The following PPP2R5E variants were observed in gnomAD, a reference collection of about 807,000 sequenced individuals.
PPP2R5E encodes protein phosphatase 2 regulatory subunit B'epsilon.
Under a neutral mutation model 65.3 loss-of-function variants are expected in PPP2R5E, and 4 were observed. That is an observed-to-expected ratio of 0.06 (90% confidence interval 0.03 to 0.14). PPP2R5E has a LOEUF of 0.14. Among genes scored for constraint, PPP2R5E ranks in the 10% least tolerant of loss-of-function variants. The pLI is 1.00. For synonymous variants in PPP2R5E, 183 were observed against 187.4 expected (o/e 0.98, Z 0.19); for missense variants, 274 against 556.1 (o/e 0.49, Z 5.10).
chr14:63,468,328 G>A (rs887893593), intron 2 of PPP2R5E, among the ~76,000 whole-genome samples: 23 of 152,046 alleles, frequency 1.5e-4, no homozygotes, highest in Non-Finnish European at 2.8e-4. Flanking sequence ...TGGTATGTCT[G>A]GTTGTGTAAG....
chr14:63,399,142 T>C (rs532365753), intron 5 of PPP2R5E, among the ~76,000 whole-genome samples: 64 of 151,982 alleles, frequency 4.2e-4, no homozygotes, highest in Non-Finnish European at 8.5e-4. Flanking sequence ...ATAAACAAAA[T>C]GGGATGCCAT....
At position 63,371,614 on chromosome 14, in the gene PPP2R5E, T is replaced by C. The variant is rs1883693608; in HGVS notation, c.*4395A>G. On this transcript the variant is annotated 3_prime_UTR_variant, in exon 14 of 14. Transcript: ENST00000337537. ...AGAGGTGGAAGATTGTTTTGTGGCA[T>C]TTTAAGTTTGATGTGGATCAGAAGT... 1 of 152,218 alleles carries C rather than the reference T, an allele frequency of 6.6e-6. No homozygotes were observed. The allele number at this position is 152,218 out of a possible 1,614,324, so 9.4% of individuals were successfully genotyped here.
chr14:63,454,942 G>A (rs1357511879), intron 2 of PPP2R5E, among the ~76,000 whole-genome samples: 4 of 152,192 alleles, frequency 2.6e-5, no homozygotes, highest in African/African-American at 9.7e-5. Flanking sequence ...GACAATCATT[G>A]AGGTCCCACA....
chr14:63,476,146 T>C (rs149472857), intron 2 of PPP2R5E, among the ~76,000 whole-genome samples: 1 of 152,278 alleles, frequency 6.6e-6, no homozygotes, highest in African/African-American at 2.4e-5. Context: ...CCACAAACAA[T>C]GCCCTCACAT....
At chr14:63,468,003 G>C (rs573504780) in intron 2 of PPP2R5E, among the ~76,000 whole-genome samples, 32 of 152,186 alleles carry the variant, frequency 2.1e-4, no homozygotes, top group Non-Finnish European at 4.1e-4. Flanking sequence ...CTACCCCACA[G>C]AGTTTACTTA....
intron 2 of PPP2R5E, among the ~76,000 whole-genome samples, chr14:63,525,923 C>T (rs1893167611): frequency 6.6e-6 from 1 of 152,258 alleles, no homozygotes; most frequent in South Asian, 2.1e-4. Context: ...GTGGTGCAAT[C>T]TCAGCTCACT....
rs534375811 is a variant in PPP2R5E at position 63,502,887 on chromosome 14, C to T, written c.157+36642G>A. ...TTACACTTGTAATCCCAGCACTTTG[C>T]GAGGCCAAGGCAGGAAAATCACTTG... On this transcript the variant is annotated intron_variant, in intron 2 of 13. Transcript: ENST00000337537. Among the ~76,000 whole-genome samples, 4 of 152,162 alleles carry T rather than the reference C, an allele frequency of 2.6e-5. No individual in the cohort carries two copies. In the South Asian group the frequency reaches 6.2e-4, roughly 24 times the overall value.
intron 2 of PPP2R5E, among the ~76,000 whole-genome samples, chr14:63,531,530 C>A (rs564080232): frequency 1.6e-4 from 24 of 151,914 alleles, no homozygotes; most frequent in African/African-American, 5.3e-4. Context: ...TGTGCAAGAT[C>A]TTAAAATTGC....
chr14:63,415,967 C>A (rs1886662975), intron 4 of PPP2R5E, among the ~76,000 whole-genome samples: 2 of 152,312 alleles, frequency 1.3e-5, no homozygotes, highest in South Asian at 2.1e-4. Context: ...TGACAAATTT[C>A]TTTTCAGAAA....
chr14:63,417,929 C>T (rs1014243183), intron 4 of PPP2R5E, among the ~76,000 whole-genome samples: 4 of 152,128 alleles, frequency 2.6e-5, no homozygotes, highest in South Asian at 2.1e-4. Context: ...GGTCTCAGAG[C>T]CCCTCTAAGG....
chr14:63,419,688 G>C (rs2139876996), intron 4 of PPP2R5E, among the ~76,000 whole-genome samples: 1 of 151,982 alleles, frequency 6.6e-6, no homozygotes, highest in South Asian at 2.1e-4. Context: ...TATGAATGAA[G>C]GTTGATTTAC....
At chr14:63,539,713 T>A (rs746431943) in intron 1 of PPP2R5E, 21 bp from the exon 2 acceptor site, 50 of 1,600,886 alleles carry the variant, frequency 3.1e-5, no homozygotes, top group Non-Finnish European at 3.9e-5. Flanking sequence ...AGAAGTATCA[T>A]AAACCCATAC....
At chr14:63,508,280 A>G (rs1892307520) in intron 2 of PPP2R5E, 1 of 898,226 alleles carries the variant, frequency 1.1e-6, no homozygotes, top group Non-Finnish European at 1.3e-6. Flanking sequence ...CCCCAATGCT[A>G]TGGCAACCCC....
chr14:63,453,890 GA>G lies in PPP2R5E; in HGVS notation c.158-6del, dbSNP rs559238789. 127 of 1,405,120 alleles carry G rather than the reference GA, an allele frequency of 9.0e-5. No individual in the cohort carries two copies. Among genetic ancestry groups the G allele is most frequent in the Middle Eastern group, 5.7e-4 (3 of 5,258 alleles). The allele number at this position is 1,405,120 out of a possible 1,614,324, so 87.0% of individuals were successfully genotyped here. A position where few individuals can be genotyped will look rare whatever the true frequency, so the allele number is the denominator to read the frequency against. On this transcript the variant is annotated splice_region_variant and splice_polypyrimidine_tract_variant and intron_variant, in intron 2 of 13. Coordinates refer to ENST00000337537, the MANE Select transcript of PPP2R5E (RefSeq NM_006246.5). The stretch of plus-strand genomic sequence containing the variant: ...GCTGCTCTGAGGATGGAACGTCTAA[GA>G]AAAAAAAAGGAAATGGTGTAAGTCT...
intron 2 of PPP2R5E, among the ~76,000 whole-genome samples, chr14:63,486,271 C>T (rs1424119152): frequency 1.3e-5 from 2 of 150,052 alleles, no homozygotes; most frequent in Non-Finnish European, 3.0e-5. Flanking sequence ...TCCCCCGACC[C>T]CACCCATCTT....
intron 2 of PPP2R5E, among the ~76,000 whole-genome samples, chr14:63,495,354 T>C (rs1434962503): frequency 6.7e-6 from 1 of 150,040 alleles, no homozygotes; most frequent in Non-Finnish European, 1.5e-5. Flanking sequence ...GGCAGACCAC[T>C]TGAGGTCAGG....
chr14:63,510,872 G>C (rs992525226), intron 2 of PPP2R5E, among the ~76,000 whole-genome samples: 1 of 152,238 alleles, frequency 6.6e-6, no homozygotes, highest in South Asian at 2.1e-4. Context: ...ACGTGAAAAG[G>C]TGGAAGCAGC....
chr14:63,399,132 A>G (rs935577370), intron 5 of PPP2R5E, among the ~76,000 whole-genome samples: 6 of 152,160 alleles, frequency 3.9e-5, no homozygotes, highest in Non-Finnish European at 7.4e-5. Context: ...CCGTCAACTG[A>G]TAAACAAAAT....
chr14:63,494,193 GTAAC>G (rs1292372254), intron 2 of PPP2R5E, among the ~76,000 whole-genome samples: 2 of 152,076 alleles, frequency 1.3e-5, no homozygotes, highest in Non-Finnish European at 2.9e-5. Context: ...TCTTAAGTAA[GTAAC>G]TACTTATTCA....
Sources: gnomAD v4.1 joint callset for allele counts (sites outside exome capture counted in the v4.1 genomes callset) on GRCh38, gnomAD v4.1.1 for gene constraint, MANE v1.5 for transcripts, NCBI Gene and HGNC (gene_info 2026-07-23, HGNC 2026-07-21) for gene names.